RARB: variants seen among roughly 807,000 people sequenced by gnomAD.
RARB encodes the protein HBV-activated protein.
Under a neutral mutation model 51.9 loss-of-function variants are expected in RARB, and 17 were observed. The observed-to-expected ratio is 0.33, with a 90% confidence interval of 0.22 to 0.49. The LOEUF (loss-of-function observed/expected upper bound fraction) is 0.49. RARB is among the 20% of genes least tolerant of loss of function. The pLI is 0.99. For missense variants in RARB, 369 were observed against 550.8 expected, an observed-to-expected ratio of 0.67 and a Z score of 3.30; for synonymous variants, 215 against 195.4, an observed-to-expected ratio of 1.10 and a Z score of -0.84.
intron 2 of RARB, among the ~76,000 whole-genome samples, chr3:24,937,749 G>T (rs1286271971): frequency 6.6e-6 from 1 of 152,118 alleles, no homozygotes; most frequent in African/African-American, 2.4e-5. Flanking sequence ...GCTGGCAGGT[G>T]GGTGGAGCGA....
intron 3 of RARB, among the ~76,000 whole-genome samples, chr3:25,107,049 C>G (rs1033096606): frequency 7.9e-5 from 12 of 152,030 alleles, no homozygotes; most frequent in Non-Finnish European, 1.3e-4. Flanking sequence ...TACAGGTAAG[C>G]ACCACTATAC....
chr3:25,488,727 G>A (rs938997237), intron 2 of RARB, among the ~76,000 whole-genome samples: 4 of 152,200 alleles, frequency 2.6e-5, no homozygotes, highest in African/African-American at 7.2e-5. Context: ...GAACAGTACA[G>A]CTTTTCACTC....
chr3:25,570,634 G>A (rs1249764063), intron 4 of RARB, among the ~76,000 whole-genome samples: 1 of 152,234 alleles, frequency 6.6e-6, no homozygotes, highest in African/African-American at 2.4e-5. Flanking sequence ...TCTAGGTTGT[G>A]CCAGTGGAGG....
chr3:25,527,705 G>A (rs1290391460), intron 3 of RARB, among the ~76,000 whole-genome samples: 2 of 152,118 alleles, frequency 1.3e-5, no homozygotes, highest in African/African-American at 2.4e-5. Flanking sequence ...TGAGGTTTTC[G>A]AGGGTAGATA....
At chr3:25,242,735 G>T (rs1702463268) in intron 5 of RARB, among the ~76,000 whole-genome samples, 1 of 152,112 alleles carries the variant, frequency 6.6e-6, no homozygotes, top group African/African-American at 2.4e-5. Flanking sequence ...TTGAAGTGAA[G>T]TAGCATGATG....
chr3:24,951,451 T>A (rs755148289), intron 2 of RARB, among the ~76,000 whole-genome samples: 22 of 152,190 alleles, frequency 1.4e-4, no homozygotes, highest in Admixed American at 2.6e-4. Flanking sequence ...AGTGTTGTAA[T>A]CCTGAGAGTG....
chr3:24,896,127 C>T (rs768405240), intron 2 of RARB, among the ~76,000 whole-genome samples: 5 of 152,094 alleles, frequency 3.3e-5, no homozygotes, highest in African/African-American at 4.8e-5. Flanking sequence ...AAATATTGCA[C>T]GATTCCACTT....
intron 2 of RARB, among the ~76,000 whole-genome samples, chr3:24,919,548 A>G (rs6772273): frequency 0.62 from 93,577 of 151,964 alleles, 29,801 homozygotes; most frequent in African/African-American, 0.77. Flanking sequence ...TTTTCTGTCC[A>G]TGAATGTTCT....
intron 3 of RARB, among the ~76,000 whole-genome samples, chr3:25,513,711 A>G (rs956694806): frequency 1.5e-5 from 2 of 133,998 alleles, no homozygotes; most frequent in African/African-American, 6.4e-5. Context: ...TCATTTCTTA[A>G]GGTGCACTAT....
intron 2 of RARB, among the ~76,000 whole-genome samples, chr3:24,982,322 C>T (rs545325216): frequency 1.3e-5 from 2 of 152,334 alleles, no homozygotes; most frequent in South Asian, 4.1e-4. Context: ...AATCTTTATC[C>T]AAATCCTGGT....
intron 2 of RARB, among the ~76,000 whole-genome samples, chr3:25,018,680 A>G (rs1479811238): frequency 6.6e-6 from 1 of 152,196 alleles, no homozygotes; most frequent in Non-Finnish European, 1.5e-5. Flanking sequence ...CATTGTATAT[A>G]AAGTGAGAAA....
At chr3:25,137,027 G>T (rs372682986) in intron 4 of RARB, among the ~76,000 whole-genome samples, 1 of 152,150 alleles carries the variant, frequency 6.6e-6, no homozygotes, top group South Asian at 2.1e-4. Flanking sequence ...GCAGCAGACA[G>T]ATTTTCAAAC....
chr3:25,434,477 A>G (rs1017427741), intron 1 of RARB, among the ~76,000 whole-genome samples: 1 of 151,686 alleles, frequency 6.6e-6, no homozygotes, highest in Non-Finnish European at 1.5e-5. Flanking sequence ...AACTCTCCAT[A>G]TAGAACAAAA....
intron 1 of RARB, among the ~76,000 whole-genome samples, chr3:25,460,887 T>C (rs760088596): frequency 7.9e-5 from 12 of 152,114 alleles, no homozygotes; most frequent in Non-Finnish European, 1.6e-4. Context: ...GACAAGTCAC[T>C]TCCTTCCTTT....
At chr3:25,072,049 G>T (rs557646270) in intron 3 of RARB, among the ~76,000 whole-genome samples, 9 of 152,200 alleles carry the variant, frequency 5.9e-5, no homozygotes, top group Non-Finnish European at 5.9e-5. Context: ...GCCCTGTGGC[G>T]GTTCTTATCT....
chr3:25,524,610 CT>C (rs145884075), intron 3 of RARB, among the ~76,000 whole-genome samples: 5,086 of 150,300 alleles, frequency 0.034, 108 homozygotes, highest in Non-Finnish European at 0.052. Context: ...CTCTTCCCCC[CT>C]CCCTTCCTCC....
At chr3:25,525,255 T>C (rs551508644) in intron 3 of RARB, among the ~76,000 whole-genome samples, 1 of 152,168 alleles carries the variant, frequency 6.6e-6, no homozygotes, top group Non-Finnish European at 1.5e-5. Context: ...CCTGTTCATT[T>C]TGGAGGCAAC....
chr3:25,059,930 C>T (rs529232547), intron 2 of RARB, among the ~76,000 whole-genome samples: 12 of 151,786 alleles, frequency 7.9e-5, no homozygotes, highest in East Asian at 1.9e-4. Context: ...AGTGAGTTGT[C>T]GGTGAAAATG....
At chr3:25,259,267 A>G (rs1229556428) in intron 5 of RARB, among the ~76,000 whole-genome samples, 3 of 152,174 alleles carry the variant, frequency 2.0e-5, no homozygotes, top group African/African-American at 7.2e-5. Context: ...GTGGCTGCTC[A>G]GACAGAGACT....
Sources: gnomAD v4.1 joint callset for allele counts (sites outside exome capture counted in the v4.1 genomes callset) on GRCh38, gnomAD v4.1.1 for gene constraint, MANE v1.5 for transcripts, NCBI Gene and HGNC (gene_info 2026-07-23, HGNC 2026-07-21) for gene names.